The following ARRDC2 variants were observed in gnomAD, a reference collection of about 807,000 sequenced individuals.
ARRDC2 encodes arrestin domain containing 2.
In ARRDC2, 39 loss-of-function variants were observed where a neutral mutation model predicts 38.9. That is an observed-to-expected ratio of 1.00 (90% CI 0.78 to 1.31). The LOEUF (loss-of-function observed/expected upper bound fraction) is 1.31. ARRDC2 is among the 50% of genes most tolerant of loss of function. The probability of loss-of-function intolerance (pLI) is 0.00; values close to 1 mark genes in which losing one functional copy is unlikely to be tolerated. For synonymous variants in ARRDC2, 300 were observed against 261.9 expected, an observed-to-expected ratio of 1.15 and a Z score of -1.41; for missense variants, 553 against 588.4, an observed-to-expected ratio of 0.94 and a Z score of 0.62.
At chr19:18,010,100 TG>T in intron 5 of ARRDC2, 61 bp downstream of exon 5, 1 of 1,604,294 alleles carries the variant, frequency 6.2e-7, no homozygotes, top group Non-Finnish European at 8.5e-7. Context: ...TCCCTCAGAC[TG>T]GGGGAAGCTG....
In ARRDC2 at chr19:18,008,331, A is replaced by C. The variant is rs150198820; in HGVS notation, c.21A>C (p.Lys7Asn). MLFDKV[K>N]AFSVQLDGAT... ...ACGCGATGCTATTCGACAAGGTGAA[A>C]GCGTTCTCGGTGCAGTTGGACGGCG... Residue 7 changes from lysine to asparagine, a missense_variant, in exon 1 of 8, where the codon AAA becomes AAC. By Grantham distance (94) the Lys-to-Asn change is moderately conservative (BLOSUM62 0). This residue lies in a region of ARRDC2 where 447 missense variants were observed against 456.6 expected (regional missense o/e 0.98). Coordinates refer to ENST00000222250, the MANE Select transcript of ARRDC2 (RefSeq NM_015683.2). The C allele has an allele frequency of 5.6e-6, 9 of 1,594,134 alleles. No individual in the cohort carries two copies. Among genetic ancestry groups the C allele is most frequent in the Non-Finnish European group, 7.6e-6 (9 of 1,177,954 alleles).
Position 18,012,925 on chromosome 19 carries a change from C to T in ARRDC2, c.1183C>T (p.Pro395Ser). 1.2e-6 allele frequency: 2 copies of T among 1,613,902 alleles called. No individual in the cohort carries two copies. Among genetic ancestry groups the T allele is most frequent in the Admixed American group, 1.7e-5 (1 of 59,978 alleles). The change falls in exon 8 of 8, where the codon CCA becomes TCA. Residue 395 changes from proline to serine, a missense_variant. Around this residue, in one of 3 missense-constraint regions of ARRDC2, gnomAD observed 100 missense variants for 107.6 expected, o/e 0.93. Transcript: ENST00000222250. ...ACATTTCTCTTAGGAGGATCCAAAC[C>T]CACTCTTGGGGGACATGAGGCCGCG... The part of the protein sequence containing the change: ...PPLYSEEDPN[P>S]LLGDMRPRCM...
upstream of ARRDC2, among the ~76,000 whole-genome samples, chr19:18,005,960 G>A (rs1198374997): frequency 1.3e-5 from 2 of 151,562 alleles, no homozygotes; most frequent in African/African-American, 4.9e-5. Context: ...GGTCGCGGCC[G>A]GGCCGAGGCT....
intron 2 of ARRDC2, 67 bp from the exon 3 acceptor site, chr19:18,008,904 G>C: frequency 5.0e-6 from 8 of 1,603,676 alleles, no homozygotes; most frequent in Non-Finnish European, 6.8e-6. Context: ...CGGAGTGTCT[G>C]TGTCTCCTTC....
rs760685663 is a variant in ARRDC2 at position 18,010,730 on chromosome 19, G to A, written c.1170+1G>A. 9.3e-6 allele frequency: 15 copies of A among 1,613,496 alleles called. No homozygotes were observed. Among genetic ancestry groups the A allele is most frequent in the East Asian group, 2.2e-5 (1 of 44,888 alleles). On this transcript the variant is annotated splice_donor_variant, in intron 7 of 7. Transcript: ENST00000222250. LOFTEE classifies it high-confidence loss of function. ...CCGCCCGCCACCCCTGTACTCTGAG[G>A]TGAGCTCAGGGGTCTGAGAACCACC...
chr19:18,005,712 T>TG (rs2033260599), upstream of ARRDC2, among the ~76,000 whole-genome samples: 2 of 143,200 alleles, frequency 1.4e-5, no homozygotes, highest in East Asian at 4.2e-4. Flanking sequence ...GCTGGCTGGG[T>TG]GGGGGGCTGA....
At chr19:18,010,809 GT>G (rs1002988648) in intron 7 of ARRDC2, 80 bp downstream of exon 7, 38 of 1,455,820 alleles carry the variant, frequency 2.6e-5, no homozygotes, top group South Asian at 1.5e-4. Context: ...TAGTAGATGG[GT>G]TTTTTTTGTT....
At position 18,009,966 on chromosome 19, in the gene ARRDC2, G is replaced by C; in HGVS notation, c.776G>C (p.Arg259Pro). The change falls in exon 5 of 8, where the codon CGG becomes CCG. Residue 259 changes from arginine to proline, a missense_variant. Arg to Pro is a moderately radical substitution (Grantham distance 103). Transcript: ENST00000222250. ...GGGCAGCGGGCGCTGTGGCAGGGCCGGGCACTGCGGATCCCCCCAGTGGGT... is the reference window on the plus strand; with the variant it reads ...GGGCAGCGGGCGCTGTGGCAGGGCCCGGCACTGCGGATCCCCCCAGTGGGT... ...GPGQRALWQG[R>P]ALRIPPVGPS... The C allele has an allele frequency of 6.2e-7, 1 of 1,603,570 alleles. No individual in the cohort carries two copies. Among genetic ancestry groups the C allele is most frequent in the Non-Finnish European group, 8.5e-7 (1 of 1,179,580 alleles).
At chr19:18,001,955 A>G (rs563488617) in intron 1 of ARRDC2, among the ~76,000 whole-genome samples, 2 of 152,238 alleles carry the variant, frequency 1.3e-5, no homozygotes, top group East Asian at 3.9e-4. Flanking sequence ...CTAACCGGGA[A>G]CGTCTACCCA....
chr19:18,006,642 G>C (rs1216617289), upstream of ARRDC2, among the ~76,000 whole-genome samples: 2 of 152,132 alleles, frequency 1.3e-5, no homozygotes, highest in Non-Finnish European at 2.9e-5. Flanking sequence ...AGGGGAGAGG[G>C]AGAGGGAGAG....
chr19:18,007,418 T>A (rs1339137097), upstream of ARRDC2: 1 of 152,258 alleles, frequency 6.6e-6, no homozygotes, highest in Non-Finnish European at 1.5e-5. Context: ...CATCATTTCG[T>A]AGGTACCGCT....
At chr19:18,001,584 C>A in intron 1 of ARRDC2, 1 of 1,313,058 alleles carries the variant, frequency 7.6e-7, no homozygotes, top group South Asian at 1.9e-5. Flanking sequence ...GTGAGACACT[C>A]GTCGCGCCGC....
At position 18,012,906 on chromosome 19, in the gene ARRDC2, C is replaced by G. The variant is rs771312529; in HGVS notation, c.1171-7C>G. ...TCTCTGAGGCTTAATGGGAACATTT[C>G]TCTTAGGAGGATCCAAACCCACTCT... On this transcript the variant is annotated splice_polypyrimidine_tract_variant and splice_region_variant and intron_variant, in intron 7 of 7. Transcript: ENST00000222250. 3.1e-6 allele frequency: 5 copies of G among 1,613,394 alleles called. No individual in the cohort carries two copies. Among genetic ancestry groups the G allele is most frequent in the African/African-American group, 1.3e-5 (1 of 74,904 alleles).
In ARRDC2 at chr19:18,009,985, A is replaced by T. The variant is rs778798028; in HGVS notation, c.795A>T (p.Pro265=). 1 of 1,602,600 alleles carries T rather than the reference A, an allele frequency of 6.2e-7. No individual in the cohort carries two copies. The highest frequency in any genetic ancestry group is 8.5e-7 in the Non-Finnish European group (1 of 1,179,718). The change falls in exon 5 of 8, where the codon CCA becomes CCT. Residue 265 remains proline (P), a synonymous_variant. Coordinates refer to ENST00000222250, the MANE Select transcript of ARRDC2 (RefSeq NM_015683.2). ...AGGGCCGGGCACTGCGGATCCCCCC[A>T]GTGGGTCCTTCCATCCTGCACTGCC... ...LWQGRALRIP[P]VGPSILHCRV... is the part of the protein sequence containing the mutation.
chr19:18,010,672 C>T lies in ARRDC2; in HGVS notation c.1113C>T (p.Gly371=). ...LPQDPDMSLE[G]PFFAYIQEFR... is the part of the protein sequence containing the mutation. ...AGGACCCCGACATGAGCCTTGAAGG[C>T]CCGTTCTTCGCCTACATCCAAGAGT... is the stretch of plus-strand genomic sequence containing the variant. Residue 371 remains glycine (G), a synonymous_variant, in exon 7 of 8, where the codon GGC becomes GGT. Transcript: ENST00000222250. The T allele has an allele frequency of 6.2e-7, 1 of 1,613,910 alleles. No individual in the cohort carries two copies. The highest frequency in any genetic ancestry group is 8.5e-7 in the Non-Finnish European group (1 of 1,180,026).
upstream of ARRDC2, chr19:18,008,126 C>T (rs542911189): frequency 4.4e-6 from 4 of 907,646 alleles, no homozygotes; most frequent in Admixed American, 8.3e-5. Flanking sequence ...ACCCCACCCC[C>T]CCCCGCCCTG....
exon 1 of ARRDC2, chr19:18,001,325 G>A: frequency 8.3e-7 from 1 of 1,198,248 alleles, no homozygotes; most frequent in Non-Finnish European, 1.0e-6. Flanking sequence ...ATGCGCTCTG[G>A]GGGCGTGCGC....
chr19:18,008,680 C>G, intron 1 of ARRDC2, 31 bp from the exon 2 acceptor site: 1 of 1,611,298 alleles, frequency 6.2e-7, no homozygotes, highest in Admixed American at 1.7e-5. Context: ...AGCGCAACCG[C>G]TCAGTCGCCT....
upstream of ARRDC2, among the ~76,000 whole-genome samples, chr19:18,006,733 T>C (rs1176271584): frequency 6.6e-6 from 1 of 152,208 alleles, no homozygotes; most frequent in East Asian, 1.9e-4. Flanking sequence ...GGAGGTGCTG[T>C]GTGACCTCGG....
Sources: gnomAD v4.1 joint callset for allele counts (sites outside exome capture counted in the v4.1 genomes callset) on GRCh38, gnomAD v4.1.1 for gene constraint, gnomAD v4.1.1 regional missense constraint, MANE v1.5 for transcripts, NCBI Gene and HGNC (gene_info 2026-07-23, HGNC 2026-07-21) for gene names.